DPYD: variants seen among roughly 807,000 people sequenced by gnomAD.
The protein encoded by DPYD is dihydropyrimidine dehydrogenase.
DPYD carries 109 observed loss-of-function variants against 116.2 expected under a neutral mutation model. That is an observed-to-expected ratio of 0.94 (90% CI 0.80 to 1.10). The LOEUF (loss-of-function observed/expected upper bound fraction) is 1.10, where lower values mean the gene tolerates loss of function less well. Ranked by LOEUF, DPYD falls within the 50% of genes least tolerant of loss-of-function variation. The probability of loss-of-function intolerance (pLI) is 0.00; values close to 1 mark genes in which losing one functional copy is unlikely to be tolerated. For synonymous variants in DPYD, 440 were observed against 432.0 expected (o/e 1.02, Z -0.23); for missense variants, 1,302 against 1,254.5 (o/e 1.04, Z -0.57).
chr1:97,280,987 C>G (rs891595186), intron 18 of DPYD, among the ~76,000 whole-genome samples: 1 of 152,086 alleles, frequency 6.6e-6, no homozygotes, highest in Admixed American at 6.5e-5. Flanking sequence ...TGGAACATCA[C>G]TACACACCCC....
intron 14 of DPYD, among the ~76,000 whole-genome samples, chr1:97,395,605 G>A (rs974334683): frequency 1.3e-5 from 2 of 151,832 alleles, no homozygotes; most frequent in Admixed American, 6.6e-5. Flanking sequence ...CAACCCTCTC[G>A]TGGTAGATTG....
intron 3 of DPYD, among the ~76,000 whole-genome samples, chr1:97,765,241 G>A (rs1207941996): frequency 6.6e-6 from 1 of 152,142 alleles, no homozygotes; most frequent in African/African-American, 2.4e-5. Context: ...TAGAGTTTTG[G>A]GGAAGGAAAT....
chr1:97,653,452 G>A (rs944994527), intron 8 of DPYD, among the ~76,000 whole-genome samples: 4 of 151,724 alleles, frequency 2.6e-5, no homozygotes, highest in Non-Finnish European at 4.4e-5. Flanking sequence ...TTACAGGCAC[G>A]TGCCAACACG....
intron 1 of DPYD, among the ~76,000 whole-genome samples, chr1:97,894,772 T>C (rs1173608517): frequency 4.6e-5 from 7 of 151,594 alleles, no homozygotes; most frequent in Non-Finnish European, 1.0e-4. Context: ...ATCAAAAATA[T>C]ATAAAATGGG....
chr1:97,509,317 G>A (rs1022993036), intron 13 of DPYD, among the ~76,000 whole-genome samples: 4 of 151,996 alleles, frequency 2.6e-5, no homozygotes, highest in African/African-American at 9.7e-5. Context: ...GGCAGGCAGA[G>A]CCTTGAAAAA....
intron 19 of DPYD, among the ~76,000 whole-genome samples, chr1:97,206,876 C>T (rs1267803061): frequency 2.0e-5 from 3 of 150,632 alleles, no homozygotes; most frequent in Non-Finnish European, 4.4e-5. Flanking sequence ...TACATAGACA[C>T]ATATATACAC....
chr1:97,400,293 T>C (rs1345003047), intron 14 of DPYD, among the ~76,000 whole-genome samples: 1 of 152,220 alleles, frequency 6.6e-6, no homozygotes, highest in Non-Finnish European at 1.5e-5. Flanking sequence ...ATCCCAGGGA[T>C]GAAGCTCACT....
At chr1:97,631,321 C>T (rs1392645283) in intron 8 of DPYD, among the ~76,000 whole-genome samples, 2 of 152,190 alleles carry the variant, frequency 1.3e-5, no homozygotes, top group East Asian at 1.9e-4. Context: ...TGGCTTAAAG[C>T]ATAGTTTATT....
intron 8 of DPYD, among the ~76,000 whole-genome samples, chr1:97,596,765 C>T (rs1473920880): frequency 6.6e-6 from 1 of 152,198 alleles, no homozygotes; most frequent in Non-Finnish European, 1.5e-5. Flanking sequence ...CAATAAACCA[C>T]CATTGTCTCT....
intron 15 of DPYD, 96 bp downstream of exon 15, chr1:97,382,297 C>T (rs1672017062): frequency 1.6e-6 from 1 of 637,062 alleles, no homozygotes; most frequent in East Asian, 3.2e-5. Flanking sequence ...TTCAGTTTTA[C>T]TTCTACTGTA....
chr1:97,471,746 T>C (rs958036283), intron 13 of DPYD, among the ~76,000 whole-genome samples: 1 of 151,986 alleles, frequency 6.6e-6, no homozygotes, highest in African/African-American at 2.4e-5. Flanking sequence ...CCCACCACCA[T>C]GCCCAGCTAA....
chr1:97,747,113 A>G (rs1267991306), intron 3 of DPYD, among the ~76,000 whole-genome samples: 1 of 152,070 alleles, frequency 6.6e-6, no homozygotes, highest in Non-Finnish European at 1.5e-5. Context: ...GAATTCTTAA[A>G]ACTGAACAAA....
intron 18 of DPYD, among the ~76,000 whole-genome samples, chr1:97,264,058 A>G (rs934456519): frequency 2.6e-5 from 4 of 151,830 alleles, no homozygotes; most frequent in African/African-American, 4.8e-5. Flanking sequence ...TGCTGCAACA[A>G]TGAGAATCAG....
chr1:97,489,737 A>G (rs1678862327), intron 13 of DPYD, among the ~76,000 whole-genome samples: 1 of 152,216 alleles, frequency 6.6e-6, no homozygotes, highest in Admixed American at 6.5e-5. Context: ...TGAACTCAGT[A>G]AATTACAATA....
intron 14 of DPYD, among the ~76,000 whole-genome samples, chr1:97,386,390 A>G (rs1672350311): frequency 6.6e-6 from 1 of 151,892 alleles, no homozygotes; most frequent in Non-Finnish European, 1.5e-5. Context: ...AGCTTACTAC[A>G]CTGGGAAAAA....
At chr1:97,345,083 T>C (rs1669776123) in intron 16 of DPYD, among the ~76,000 whole-genome samples, 1 of 151,972 alleles carries the variant, frequency 6.6e-6, no homozygotes, top group African/African-American at 2.4e-5. Context: ...GTTGGATATC[T>C]TTTCACGTTT....
At chr1:97,525,789 A>C (rs563702466) in intron 12 of DPYD, among the ~76,000 whole-genome samples, 2 of 142,612 alleles carry the variant, frequency 1.4e-5, no homozygotes, top group African/African-American at 5.4e-5. Context: ...AGAGAGAGAG[A>C]GTGTGTGTGT....
intron 20 of DPYD, among the ~76,000 whole-genome samples, chr1:97,149,307 A>C (rs2101714356): frequency 6.6e-6 from 1 of 152,308 alleles, no homozygotes; most frequent in Non-Finnish European, 1.5e-5. Flanking sequence ...GCTGGAGTGC[A>C]GTGGCATGAT....
chr1:97,587,927 A>G (rs1454044378), intron 10 of DPYD, among the ~76,000 whole-genome samples: 1 of 152,134 alleles, frequency 6.6e-6, no homozygotes, highest in Non-Finnish European at 1.5e-5. Context: ...GACATTAAAA[A>G]TATCTGAGAA....
Sources: allele counts gnomAD v4.1 joint callset (sites outside exome capture counted in the v4.1 genomes callset), GRCh38; gene constraint gnomAD v4.1.1; transcripts MANE v1.5; gene names NCBI Gene and HGNC (gene_info 2026-07-23, HGNC 2026-07-21).